AQP9: variants seen among roughly 807,000 people sequenced by gnomAD.
The protein encoded by AQP9 is aquaporin 9, also known as aquaporin-9.
AQP9 carries 19 observed loss-of-function variants against 23.8 expected under a neutral mutation model. The observed-to-expected ratio is 0.80, with a 90% CI of 0.56 to 1.17. The LOEUF is 1.17. Ranked by LOEUF, AQP9 falls within the 50% of genes most tolerant of loss-of-function variation. The probability of loss-of-function intolerance (pLI) is 0.00; values close to 1 mark genes in which losing one functional copy is unlikely to be tolerated. For missense variants in AQP9, 413 were observed against 362.0 expected (o/e 1.14, Z -1.14); for synonymous variants, 153 against 131.5 (o/e 1.16, Z -1.12).
intron 1 of AQP9, among the ~76,000 whole-genome samples, chr15:58,161,801 T>C (rs1898388694): frequency 6.6e-6 from 1 of 152,202 alleles, no homozygotes; most frequent in South Asian, 2.1e-4. Flanking sequence ...TTTGATTCTT[T>C]ATCAAAAAGC....
intron 1 of AQP9, among the ~76,000 whole-genome samples, chr15:58,159,728 G>A (rs1179668654): frequency 6.6e-6 from 1 of 151,906 alleles, no homozygotes; most frequent in Non-Finnish European, 1.5e-5. Context: ...CACTTTTTTA[G>A]CTCTCACATA....
rs1898956942 is a variant in AQP9 at position 58,184,104 on chromosome 15, C to G, written c.857C>G (p.Pro286Arg). ...AAGACAGAACAATCTGAGGACAAAC[C>G]AGAGAAATATGAACTCAGTGTCATC... ...VFKTEQSEDK[P>R]EKYELSVIM Residue 286 changes from proline (P) to arginine (R), a missense_variant, in exon 6 of 6, where the codon CCA becomes CGA. Coordinates refer to ENST00000219919, the MANE Select transcript of AQP9 (RefSeq NM_020980.5). 5.6e-6 allele frequency: 9 copies of G among 1,614,010 alleles called. No individual in the cohort carries two copies. Among genetic ancestry groups the G allele is most frequent in the Middle Eastern group, 1.7e-4 (1 of 6,058 alleles).
chr15:58,144,686 G>A (rs1898009654), intron 1 of AQP9, among the ~76,000 whole-genome samples: 1 of 152,132 alleles, frequency 6.6e-6, no homozygotes, highest in African/African-American at 2.4e-5. Flanking sequence ...CGAAAAAAGA[G>A]AGGGATGGAC....
At chr15:58,179,082 G>A (rs1387086136) in intron 4 of AQP9, 46 bp from the exon 5 acceptor site, 5 of 1,364,810 alleles carry the variant, frequency 3.7e-6, no homozygotes, top group Non-Finnish European at 5.2e-6. Context: ...ACATGCAGGT[G>A]AGCAGAATGC....
intron 2 of AQP9, 108 bp downstream of exon 2, chr15:58,166,907 G>C: frequency 7.2e-7 from 1 of 1,387,592 alleles, no homozygotes; most frequent in South Asian, 1.7e-5. Context: ...CAAAAATCCT[G>C]CAAGAGTGTG....
chr15:58,174,957 T>G lies in AQP9; in HGVS notation c.416T>G (p.Val139Gly). 6.2e-7 allele frequency: 1 copy of G among 1,614,198 alleles called. No homozygotes were observed. The highest frequency in any genetic ancestry group is 1.3e-5 in the African/African-American group (1 of 75,058). Reference sequence around the variant, plus strand: ...TTTGCTGGTGGAAAACTGCTGATCGTGGGAGAAAATGCAACAGCACACATT... The same window carrying G: ...TTTGCTGGTGGAAAACTGCTGATCGGGGGAGAAAATGCAACAGCACACATT... ...MSFAGGKLLI[V>G]GENATAHIFA... Residue 139 changes from valine to glycine, a missense_variant, in exon 4 of 6, where the codon GTG becomes GGG. Val to Gly is a moderately radical substitution (Grantham distance 109). Transcript: ENST00000219919.
intron 2 of AQP9, among the ~76,000 whole-genome samples, chr15:58,167,270 T>A (rs1408093468): frequency 7.9e-5 from 12 of 152,232 alleles, no homozygotes; most frequent in Non-Finnish European, 1.5e-5. Context: ...GGTCTTAGTC[T>A]AATCCTGCTC....
intron 1 of AQP9, among the ~76,000 whole-genome samples, chr15:58,145,572 T>A (rs1474106119): frequency 6.6e-6 from 1 of 152,130 alleles, no homozygotes; most frequent in Non-Finnish European, 1.5e-5. Context: ...ACAAAAACTT[T>A]AAAAAATTCT....
chr15:58,168,958 A>C (rs1243668148), intron 2 of AQP9, among the ~76,000 whole-genome samples: 2 of 152,192 alleles, frequency 1.3e-5, no homozygotes, highest in African/African-American at 4.8e-5. Context: ...ATAGTTACTT[A>C]GAATTAATTG....
At chr15:58,156,081 A>G (rs1447280555) in intron 1 of AQP9, 2 of 152,140 alleles carry the variant, frequency 1.3e-5, no homozygotes, top group African/African-American at 2.4e-5. Context: ...TTGTAGTATA[A>G]CTCAATGCTC....
In AQP9 at chr15:58,160,482, T is replaced by G. The variant is rs547317144; in HGVS notation, c.112-6191T>G. The stretch of plus-strand genomic sequence containing the variant: ...TTTCTTGAAGGCAGAGAAATGGGGT[T>G]TCTTTTGTGCCCTTGCTTAAGTTTA... On this transcript the variant is annotated intron_variant, in intron 1 of 5. Coordinates refer to ENST00000219919, the MANE Select transcript of AQP9 (RefSeq NM_020980.5). Among the ~76,000 whole-genome samples the G allele has an allele frequency of 2.0e-5, 3 of 152,330 alleles. No homozygotes were observed. In the East Asian group the frequency reaches 5.8e-4, roughly 29 times the overall value.
At chr15:58,156,557 T>C (rs1039927023) in intron 1 of AQP9, among the ~76,000 whole-genome samples, 1 of 152,170 alleles carries the variant, frequency 6.6e-6, no homozygotes, top group Non-Finnish European at 1.5e-5. Context: ...AAACTCCTTG[T>C]CAACATGGAC....
intron 1 of AQP9, among the ~76,000 whole-genome samples, chr15:58,160,403 T>C (rs1898351032): frequency 6.6e-6 from 1 of 152,230 alleles, no homozygotes; most frequent in Non-Finnish European, 1.5e-5. Flanking sequence ...ATTATGGTTA[T>C]CAATCCCTTA....
intron 1 of AQP9, 157 bp from the exon 2 acceptor site, chr15:58,166,516 C>T: frequency 1.1e-6 from 1 of 903,570 alleles, no homozygotes; most frequent in South Asian, 2.7e-5. Context: ...CACCATTTTG[C>T]TATCTGTGTA....
intron 1 of AQP9, among the ~76,000 whole-genome samples, chr15:58,148,815 T>A (rs1898095586): frequency 6.6e-6 from 1 of 151,960 alleles, no homozygotes; most frequent in Admixed American, 6.6e-5. Flanking sequence ...GAGCTCTGAG[T>A]TGGTTCTTGG....
At chr15:58,144,166 C>G (rs1897998782) in intron 1 of AQP9, among the ~76,000 whole-genome samples, 1 of 151,960 alleles carries the variant, frequency 6.6e-6, no homozygotes, top group African/African-American at 2.4e-5. Context: ...CTTTGGGATA[C>G]TTTACTTTTT....
At chr15:58,168,827 A>G (rs950610681) in intron 2 of AQP9, among the ~76,000 whole-genome samples, 5 of 152,184 alleles carry the variant, frequency 3.3e-5, no homozygotes, top group African/African-American at 4.8e-5. Context: ...TGCTCCCCCT[A>G]TAAGCTCCCA....
At chr15:58,176,767 C>T (rs1898767027) in intron 4 of AQP9, among the ~76,000 whole-genome samples, 1 of 152,020 alleles carries the variant, frequency 6.6e-6, no homozygotes, top group East Asian at 1.9e-4. Context: ...TGAGCCACCA[C>T]TCCTGGCTAA....
intron 5 of AQP9, among the ~76,000 whole-genome samples, chr15:58,182,623 A>T (rs1446504082): frequency 1.3e-5 from 2 of 152,186 alleles, no homozygotes; most frequent in Non-Finnish European, 2.9e-5. Flanking sequence ...CGGGAGAGGC[A>T]GCCACCCTCC....
Sources: gnomAD v4.1 joint callset for allele counts (sites outside exome capture counted in the v4.1 genomes callset) on GRCh38, gnomAD v4.1.1 for gene constraint, MANE v1.5 for transcripts, NCBI Gene and HGNC (gene_info 2026-07-23, HGNC 2026-07-21) for gene names.